The following EEF2K variants were observed in gnomAD, a reference collection of about 807,000 sequenced individuals.
EEF2K encodes the protein alternative protein EEF2K.
EEF2K carries 70 observed loss-of-function variants against 93.8 expected under a neutral mutation model. The observed-to-expected ratio is 0.75, with a 90% CI of 0.62 to 0.91. The LOEUF is 0.91. EEF2K is among the 40% of genes least tolerant of loss of function. The probability of loss-of-function intolerance (pLI) is 0.00; values close to 1 mark genes in which losing one functional copy is unlikely to be tolerated. For synonymous variants in EEF2K, 376 were observed against 380.8 expected (o/e 0.99, Z 0.15); for missense variants, 935 against 972.9 (o/e 0.96, Z 0.52).
At chr16:22,242,508 C>T (rs542082582) in intron 2 of EEF2K, among the ~76,000 whole-genome samples, 1 of 151,442 alleles carries the variant, frequency 6.6e-6, no homozygotes, top group East Asian at 1.9e-4. Flanking sequence ...GACGGGGTTT[C>T]ACCACGTTGG....
intron 1 of EEF2K, among the ~76,000 whole-genome samples, chr16:22,214,310 G>A (rs542953409): frequency 3.3e-5 from 5 of 151,958 alleles, no homozygotes; most frequent in African/African-American, 1.2e-4. Flanking sequence ...TTGGGAGGTC[G>A]AGGCAAGAGG....
intron 5 of EEF2K, 147 bp from the exon 6 acceptor site, chr16:22,251,004 G>A (rs2047344350): frequency 1.0e-6 from 1 of 955,040 alleles, no homozygotes; most frequent in African/African-American, 1.6e-5. Context: ...CAGAGGGGTG[G>A]GGACGTCCTT....
Position 22,285,490 on chromosome 16 carries a change from C to T in EEF2K, c.*1494C>T, listed in dbSNP as rs917229867. On this transcript the variant is annotated 3_prime_UTR_variant, in exon 18 of 18. Transcript: ENST00000263026. Reference sequence around the variant, plus strand: ...AGCTTTTCCTTTCAATGGAATTCAGCTCTCACATTAGTATGATTTCATTTG... The same window carrying T: ...AGCTTTTCCTTTCAATGGAATTCAGTTCTCACATTAGTATGATTTCATTTG... 2.6e-5 allele frequency: 4 copies of T among 152,214 alleles called. No homozygotes were observed. The highest frequency in any genetic ancestry group is 2.6e-4 in the Admixed American group (4 of 15,272). 9.4% of individuals were successfully genotyped at this position (152,214 alleles called of 1,614,324 possible). A position where few individuals can be genotyped will look rare whatever the true frequency, so the allele number is the denominator to read the frequency against.
chr16:22,230,457 G>T (rs974206207), intron 2 of EEF2K, among the ~76,000 whole-genome samples: 1 of 151,910 alleles, frequency 6.6e-6, no homozygotes, highest in South Asian at 2.1e-4. Context: ...CAAGTGATCC[G>T]CCCGCCTCAG....
intron 2 of EEF2K, among the ~76,000 whole-genome samples, chr16:22,237,101 C>T (rs191465565): frequency 2.9e-4 from 44 of 151,486 alleles, no homozygotes; most frequent in South Asian, 1.3e-3. Flanking sequence ...CACGTCACCA[C>T]GCCCAGCTAA....
intron 11 of EEF2K, among the ~76,000 whole-genome samples, chr16:22,261,109 A>G (rs1227608627): frequency 6.6e-6 from 1 of 152,162 alleles, no homozygotes; most frequent in South Asian, 2.1e-4. Context: ...ATGGTAGCTC[A>G]TGCCTATAAT....
chr16:22,226,712 T>C (rs774090004), intron 2 of EEF2K, among the ~76,000 whole-genome samples: 7 of 151,856 alleles, frequency 4.6e-5, no homozygotes, highest in East Asian at 3.9e-4. Flanking sequence ...AGAAATGGGG[T>C]TTCCCAGGCT....
chr16:22,223,870 G>A (rs1420622188), intron 1 of EEF2K, among the ~76,000 whole-genome samples: 1 of 152,118 alleles, frequency 6.6e-6, no homozygotes, highest in African/African-American at 2.4e-5. Flanking sequence ...GACATTTGGG[G>A]TTGTTGGGTT....
At chr16:22,219,484 G>A (rs774763579) in intron 1 of EEF2K, among the ~76,000 whole-genome samples, 90 of 152,070 alleles carry the variant, frequency 5.9e-4, no homozygotes, top group Admixed American at 2.2e-3. Context: ...AAAAAATTAG[G>A]TGGGCATAGT....
In EEF2K at chr16:22,264,878, C is replaced by T. The variant is rs569231269; in HGVS notation, c.1438C>T (p.Arg480Trp). Residue 480 changes from arginine (R) to tryptophan (W), a missense_variant and splice_region_variant, in exon 13 of 18, where the codon CGG becomes TGG. Physicochemically the swap from Arg to Trp is moderately radical, Grantham distance 101. Transcript: ENST00000263026. ...CGAAGACAGCCTGGGCAGCTCTGGA[C>T]GGGTAATGCGCCCTGAGGCACCCTT... Reference protein sequence around the residue: ...SDEDSLGSSGRVCVEKWNLLN... With the variant: ...SDEDSLGSSGWVCVEKWNLLN... 1.7e-5 allele frequency: 27 copies of T among 1,614,008 alleles called. No homozygotes were observed. Among genetic ancestry groups the T allele is most frequent in the South Asian group, 4.4e-5 (4 of 91,078 alleles).
intron 1 of EEF2K, among the ~76,000 whole-genome samples, chr16:22,208,653 C>T (rs972579570): frequency 2.6e-5 from 4 of 151,758 alleles, no homozygotes; most frequent in African/African-American, 9.7e-5. Flanking sequence ...ATCCCAGCCA[C>T]TTTGGGGGTG....
chr16:22,231,953 G>T (rs1598172304), intron 2 of EEF2K, among the ~76,000 whole-genome samples: 1 of 138,092 alleles, frequency 7.2e-6, no homozygotes, highest in African/African-American at 2.8e-5. Flanking sequence ...TCGCGCCATT[G>T]CACTCCAGCC....
chr16:22,237,860 G>A (rs991802029), intron 2 of EEF2K, among the ~76,000 whole-genome samples: 4 of 152,010 alleles, frequency 2.6e-5, no homozygotes, highest in African/African-American at 9.7e-5. Flanking sequence ...GTATACATTT[G>A]TGTGTATGTC....
At chr16:22,269,217 G>A (rs1023207103) in intron 15 of EEF2K, among the ~76,000 whole-genome samples, 10 of 152,064 alleles carry the variant, frequency 6.6e-5, no homozygotes, top group Non-Finnish European at 1.2e-4. Flanking sequence ...CTTGAGGGGA[G>A]AATCCTTCCT....
chr16:22,227,328 A>G (rs768077560), intron 2 of EEF2K, among the ~76,000 whole-genome samples: 3 of 152,082 alleles, frequency 2.0e-5, no homozygotes, highest in Non-Finnish European at 4.4e-5. Context: ...GGTTCAAGTG[A>G]TTCTTGTGCC....
At chr16:22,264,192 C>T (rs909837056) in intron 12 of EEF2K, among the ~76,000 whole-genome samples, 11 of 147,638 alleles carry the variant, frequency 7.5e-5, no homozygotes, top group Non-Finnish European at 1.2e-4. Context: ...CTCAGGAAGC[C>T]GAGGCATGAG....
intron 6 of EEF2K, among the ~76,000 whole-genome samples, chr16:22,253,833 T>G (rs1038738523): frequency 3.3e-5 from 5 of 152,212 alleles, no homozygotes; most frequent in African/African-American, 1.2e-4. Context: ...GCACAGTGGC[T>G]CATGCCTGTA....
chr16:22,250,794 C>T, intron 5 of EEF2K, 103 bp downstream of exon 5: 1 of 1,463,958 alleles, frequency 6.8e-7, no homozygotes, highest in Admixed American at 1.9e-5. Context: ...GAGCCAGGGG[C>T]CTCTGCCTTC....
chr16:22,250,591 T>G lies in EEF2K; in HGVS notation c.409-63T>G. 4.4e-6 allele frequency: 7 copies of G among 1,608,128 alleles called. No homozygotes were observed. In the South Asian group the frequency reaches 7.7e-5, roughly 18 times the overall value. On this transcript the variant is annotated intron_variant, in intron 4 of 17. Coordinates refer to ENST00000263026, the MANE Select transcript of EEF2K (RefSeq NM_013302.5). ...GGTGGCATGTAAGGGGAGCACCTCC[T>G]GTCTTAGGGTCCCTTTTGGGTGGGG...
Sources: allele counts gnomAD v4.1 joint callset (sites outside exome capture counted in the v4.1 genomes callset), GRCh38; gene constraint gnomAD v4.1.1; transcripts MANE v1.5; gene names NCBI Gene and HGNC (gene_info 2026-07-23, HGNC 2026-07-21).